The following ZNF536 variants were observed in gnomAD, a reference collection of about 807,000 sequenced individuals.
The protein encoded by ZNF536 is zinc finger protein 536.
In ZNF536, 13 loss-of-function variants were observed where a neutral mutation model predicts 84.5. The ratio of observed to expected loss-of-function variants is 0.15; its 90% confidence interval spans 0.10 to 0.24. The LOEUF (loss-of-function observed/expected upper bound fraction) is 0.24, where lower values mean the gene tolerates loss of function less well. Among genes scored for constraint, ZNF536 ranks in the 10% least tolerant of loss-of-function variants. The pLI is 1.00. For missense variants in ZNF536, 1,536 were observed against 1,747.5 expected (o/e 0.88, Z 2.16); for synonymous variants, 811 against 742.5 (o/e 1.09, Z -1.50).
intron 1 of ZNF536, among the ~76,000 whole-genome samples, chr19:30,572,412 C>A (rs754015401): frequency 6.6e-6 from 1 of 152,144 alleles, no homozygotes; most frequent in Non-Finnish European, 1.5e-5. Context: ...GGGGGCAGAT[C>A]TTGTGCTGTG....
chr19:30,314,896 G>A (rs921204740), intron 2 of ZNF536, among the ~76,000 whole-genome samples: 2 of 151,408 alleles, frequency 1.3e-5, no homozygotes, highest in African/African-American at 4.8e-5. Flanking sequence ...ACCCAGCCCC[G>A]ATCCCCCACC....
chr19:30,617,295 C>CG (rs2048328665), intron 1 of ZNF536, among the ~76,000 whole-genome samples: 1 of 146,374 alleles, frequency 6.8e-6, no homozygotes, highest in African/African-American at 2.5e-5. Flanking sequence ...CCACCCTTTC[C>CG]CCACAGTCCC....
chr19:30,417,581 GT>G (rs1376391278), intron 1 of ZNF536, among the ~76,000 whole-genome samples: 1 of 152,010 alleles, frequency 6.6e-6, no homozygotes, highest in Non-Finnish European at 1.5e-5. Flanking sequence ...AAAGGATAAA[GT>G]TTTCTTATTT....
At chr19:30,692,651 TG>T (rs2051459447) in intron 1 of ZNF536, among the ~76,000 whole-genome samples, 1 of 152,236 alleles carries the variant, frequency 6.6e-6, no homozygotes, top group African/African-American at 2.4e-5. Flanking sequence ...CGACTTGTGC[TG>T]AAAGAGTGCT....
At chr19:30,360,896 C>T (rs1191761469) in intron 3 of ZNF536, among the ~76,000 whole-genome samples, 3 of 152,340 alleles carry the variant, frequency 2.0e-5, no homozygotes, top group South Asian at 2.1e-4. Context: ...CTGCCCTGTT[C>T]GCCAGGGCTT....
intron 2 of ZNF536, among the ~76,000 whole-genome samples, chr19:30,454,508 TG>T (rs2052748177): frequency 6.6e-6 from 1 of 152,274 alleles, no homozygotes; most frequent in South Asian, 2.1e-4. Context: ...TTCTCTTTAT[TG>T]CTAAATATGT....
At chr19:30,266,238 G>A (rs573895884) in intron 1 of ZNF536, among the ~76,000 whole-genome samples, 3 of 152,048 alleles carry the variant, frequency 2.0e-5, no homozygotes, top group Non-Finnish European at 4.4e-5. Context: ...TTTGTAGAGA[G>A]GGGGTCTCAC....
At chr19:30,473,038 A>G (rs1490678851) in intron 2 of ZNF536, among the ~76,000 whole-genome samples, 1 of 47,570 alleles carries the variant, frequency 2.1e-5, no homozygotes, top group Non-Finnish European at 3.3e-5. Context: ...CTAAGAATAC[A>G]AAAAAAAAAA....
At chr19:30,272,197 T>G (rs979923703) in intron 1 of ZNF536, among the ~76,000 whole-genome samples, 1 of 152,220 alleles carries the variant, frequency 6.6e-6, no homozygotes, top group Non-Finnish European at 1.5e-5. Flanking sequence ...CTCTTTTTTT[T>G]CTTTGTAAAT....
intron 1 of ZNF536, among the ~76,000 whole-genome samples, chr19:30,416,855 C>G (rs2147791206): frequency 6.6e-6 from 1 of 152,300 alleles, no homozygotes; most frequent in East Asian, 1.9e-4. Context: ...TTCCCTCTAC[C>G]ACTGCACTTT....
rs73026761 is a variant in ZNF536, at chr19:30,557,686, G to A, written c.*522G>A. ...TAGTATTTAAGCAGAAATATTGCTA[G>A]TTTAATATTGTGTCAGGTCGTCCTA... On this transcript the variant is annotated 3_prime_UTR_variant, in exon 5 of 5. Transcript: ENST00000355537. 15,817 of 152,376 alleles carry A rather than the reference G, an allele frequency of 0.1. 1,137 individuals carry two copies. Among genetic ancestry groups the A allele is most frequent in the Non-Finnish European group, 0.16 (10,574 of 68,078 alleles). 9.4% of individuals were successfully genotyped at this position (152,376 alleles called of 1,614,324 possible). A position where few individuals can be genotyped will look rare whatever the true frequency, so the allele number is the denominator to read the frequency against.
chr19:30,415,449 T>C (rs894354733), intron 1 of ZNF536, among the ~76,000 whole-genome samples: 1 of 151,114 alleles, frequency 6.6e-6, no homozygotes, highest in East Asian at 1.9e-4. Flanking sequence ...TTTCTGGAGG[T>C]TGGAGGTCTC....
intron 2 of ZNF536, among the ~76,000 whole-genome samples, chr19:30,315,529 C>T (rs2146165190): frequency 6.6e-6 from 1 of 152,246 alleles, no homozygotes; most frequent in South Asian, 2.1e-4. Flanking sequence ...GGTCCTGAGT[C>T]CAGTGAAGGA....
At chr19:30,556,973 C>A (rs2045987990) in intron 4 of ZNF536, 184 bp from the exon 5 acceptor site, 1 of 612,548 alleles carries the variant, frequency 1.6e-6, no homozygotes, top group Non-Finnish European at 2.9e-6. Context: ...TAATTGCCAA[C>A]CTGCCCTAAT....
chr19:30,562,244 C>T (rs2146438144), downstream of ZNF536, among the ~76,000 whole-genome samples: 1 of 152,248 alleles, frequency 6.6e-6, no homozygotes, highest in Middle Eastern at 3.4e-3. Context: ...CTCCTCCGGA[C>T]CCTGTCAGTC....
chr19:30,286,680 A>G (rs1477796495), intron 2 of ZNF536, among the ~76,000 whole-genome samples: 1 of 152,222 alleles, frequency 6.6e-6, no homozygotes, highest in Non-Finnish European at 1.5e-5. Context: ...GGCTCGAAAT[A>G]TGCAATCAAC....
Position 30,432,006 on chromosome 19 carries a change from TAC to T in ZNF536, c.-2-11545_-2-11544del, listed in dbSNP as rs1555757391. On this transcript the variant is annotated intron_variant, in intron 1 of 4. Coordinates refer to ENST00000355537, the MANE Select transcript of ZNF536 (RefSeq NM_014717.3). ...TTCATTAAAAGCATATATATATATA[TAC>T]ACACACACATACACACACACACACA... is the stretch of plus-strand genomic sequence containing the variant. Among the ~76,000 whole-genome samples, 20 of 146,080 alleles carry T rather than the reference TAC, an allele frequency of 1.4e-4. 1 individual carries two copies. The East Asian group carries it at 3.7e-3, about 27-fold the overall frequency.
chr19:30,536,464 G>A (rs931891413), intron 3 of ZNF536, among the ~76,000 whole-genome samples: 1 of 152,048 alleles, frequency 6.6e-6, no homozygotes. Flanking sequence ...TCGCTTATTT[G>A]TCTCCCACCA....
chr19:30,326,460 G>A (rs1278433149), intron 2 of ZNF536, among the ~76,000 whole-genome samples: 3 of 152,186 alleles, frequency 2.0e-5, no homozygotes, highest in Non-Finnish European at 4.4e-5. Flanking sequence ...TTTGTTCGTG[G>A]TAGGGAACAA....
Sources: allele counts gnomAD v4.1 joint callset (sites outside exome capture counted in the v4.1 genomes callset), GRCh38; gene constraint gnomAD v4.1.1; transcripts MANE v1.5; gene names NCBI Gene and HGNC (gene_info 2026-07-23, HGNC 2026-07-21).